The following SHOC1 variants were observed in gnomAD, a reference collection of about 807,000 sequenced individuals.
The protein encoded by SHOC1 is protein shortage in chiasmata 1 ortholog.
In SHOC1, 136 loss-of-function variants were observed where a neutral mutation model predicts 179.2. That is an observed-to-expected ratio of 0.76 (90% CI 0.66 to 0.87). SHOC1 has a LOEUF of 0.87. SHOC1 is among the 40% of genes least tolerant of loss of function. The pLI is 0.00. For missense variants in SHOC1, 1,538 were observed against 1,700.8 expected (o/e 0.90, Z 1.68); for synonymous variants, 489 against 586.6 (o/e 0.83, Z 2.41).
intron 12 of SHOC1, among the ~76,000 whole-genome samples, chr9:111,736,866 C>T (rs1833832808): frequency 6.6e-6 from 1 of 151,988 alleles, no homozygotes; most frequent in Admixed American, 6.6e-5. Flanking sequence ...AACAATTGAA[C>T]AAGCAAAAAA....
At chr9:111,726,522 C>G (rs1476739376) in intron 13 of SHOC1, among the ~76,000 whole-genome samples, 1 of 152,142 alleles carries the variant, frequency 6.6e-6, no homozygotes, top group Non-Finnish European at 1.5e-5. Context: ...CTCGGCCTTC[C>G]AAAGTTCTGG....
At chr9:111,693,233 G>A (rs1831523098) in intron 26 of SHOC1, among the ~76,000 whole-genome samples, 1 of 151,684 alleles carries the variant, frequency 6.6e-6, no homozygotes, top group East Asian at 1.9e-4. Context: ...TTGAACCCAG[G>A]AGCTGGAGAC....
intron 18 of SHOC1, 98 bp from the exon 19 acceptor site, chr9:111,708,022 G>A (rs1257888443): frequency 4.7e-6 from 3 of 635,560 alleles, no homozygotes; most frequent in Non-Finnish European, 7.7e-6. Flanking sequence ...TTAAAAATCT[G>A]TGAATAACAA....
chr9:111,718,552 G>A (rs1232259992), intron 15 of SHOC1, among the ~76,000 whole-genome samples: 1 of 152,172 alleles, frequency 6.6e-6, no homozygotes, highest in Non-Finnish European at 1.5e-5. Context: ...AAATGGTAGA[G>A]CTGTCATTTA....
intron 1 of SHOC1, 64 bp from the exon 2 acceptor site, chr9:111,791,518 A>G (rs1836443616): frequency 1.5e-6 from 1 of 666,948 alleles, no homozygotes; most frequent in Non-Finnish European, 2.3e-6. Flanking sequence ...GAAAATCTCA[A>G]TCACAAAACT....
At chr9:111,782,114 A>G (rs1836085862) in intron 3 of SHOC1, among the ~76,000 whole-genome samples, 1 of 152,230 alleles carries the variant, frequency 6.6e-6, no homozygotes, top group South Asian at 2.1e-4. Flanking sequence ...GGGGATGCTG[A>G]GGCAGGAGAA....
Position 111,686,874 on chromosome 9 carries a change from T to A in SHOC1, c.4427-4A>T, listed in dbSNP as rs767114156. On this transcript the variant is annotated splice_region_variant and splice_polypyrimidine_tract_variant and intron_variant, in intron 27 of 27. Coordinates refer to ENST00000682961, the MANE Select transcript of SHOC1 (RefSeq NM_001378211.1). ...GGTAGTTGTGAGCACATAAAACCTG[T>A]TAAAAGGAGAAAAAGGAAAACCATT... 1 of 1,595,192 alleles carries A rather than the reference T, an allele frequency of 6.3e-7. No individual in the cohort carries two copies. Among genetic ancestry groups the A allele is most frequent in the South Asian group, 1.1e-5 (1 of 89,824 alleles).
At chr9:111,777,641 A>G (rs750062045) in intron 4 of SHOC1, among the ~76,000 whole-genome samples, 9 of 152,148 alleles carry the variant, frequency 5.9e-5, no homozygotes, top group Non-Finnish European at 1.3e-4. Context: ...GTATATCTGT[A>G]TCATACCATT....
Position 111,707,890 on chromosome 9 carries a change from T to C in SHOC1, c.2523A>G (p.Arg841=), listed in dbSNP as rs1288187777. The change falls in exon 19 of 28, where the codon AGA becomes AGG. Residue 841 remains arginine, a synonymous_variant. Coordinates refer to ENST00000682961, the MANE Select transcript of SHOC1 (RefSeq NM_001378211.1). ...CACCTTCAGATTCCAGAAAATCTTT[T>C]CTTTCATTTGAATGAAGGACAGTCA... ...LTLTVLHSNE[R]KDFLESEGVL... The C allele has an allele frequency of 2.5e-6, 4 of 1,582,266 alleles. No individual in the cohort carries two copies. Among genetic ancestry groups the C allele is most frequent in the Non-Finnish European group, 3.4e-6 (4 of 1,166,338 alleles).
intron 22 of SHOC1, among the ~76,000 whole-genome samples, chr9:111,702,650 T>C (rs1832037983): frequency 6.6e-6 from 1 of 152,088 alleles, no homozygotes; most frequent in Non-Finnish European, 1.5e-5. Flanking sequence ...TGATGTGCAC[T>C]GCATGGTTAT....
chr9:111,705,294 A>G lies in SHOC1; in HGVS notation c.2808T>C (p.Ser936=). 4.4e-6 allele frequency: 7 copies of G among 1,592,388 alleles called. No homozygotes were observed. Among genetic ancestry groups the G allele is most frequent in the Non-Finnish European group, 6.0e-6 (7 of 1,169,828 alleles). The change falls in exon 21 of 28, where the codon TCT becomes TCC. Residue 936 remains serine (S), a synonymous_variant. Coordinates refer to ENST00000682961, the MANE Select transcript of SHOC1 (RefSeq NM_001378211.1). ...TGTCTGGAGTATTAAGAAGTCCTTC[A>G]GATGCAAAAAACACATATGGAATCT... ...EIQIPYVFFA[S]EGLLNTPDIL... is the part of the protein sequence containing the mutation.
At chr9:111,791,972 G>A (rs1836464031) in intron 1 of SHOC1, among the ~76,000 whole-genome samples, 1 of 152,200 alleles carries the variant, frequency 6.6e-6, no homozygotes, top group Non-Finnish European at 1.5e-5. Context: ...ACCAAGGGCA[G>A]AACTCTGTGC....
chr9:111,767,361 T>C (rs1229347480), intron 5 of SHOC1, among the ~76,000 whole-genome samples: 1 of 152,180 alleles, frequency 6.6e-6, no homozygotes, highest in Non-Finnish European at 1.5e-5. Flanking sequence ...TTTATTTGAT[T>C]TTTGTGCATG....
chr9:111,705,272 C>T lies in SHOC1; in HGVS notation c.2830G>A (p.Asp944Asn), dbSNP rs1426728868. ...FASEGLLNTPDILQLLESNYN... is the reference protein window; with the variant it reads ...FASEGLLNTPNILQLLESNYN... Reference sequence around the variant, plus strand: ...TTGGATTCTAGCAGCTGAAGTATGTCTGGAGTATTAAGAAGTCCTTCAGAT... The same window carrying T: ...TTGGATTCTAGCAGCTGAAGTATGTTTGGAGTATTAAGAAGTCCTTCAGAT... Residue 944 changes from aspartate to asparagine, a missense_variant, in exon 21 of 28, where the codon GAC (aspartate) becomes AAC (asparagine). Coordinates refer to ENST00000682961, the MANE Select transcript of SHOC1 (RefSeq NM_001378211.1). The T allele has an allele frequency of 6.4e-7, 1 of 1,570,000 alleles. No homozygotes were observed. The highest frequency in any genetic ancestry group is 1.4e-5 in the African/African-American group (1 of 72,146).
chr9:111,740,430 A>C (rs1475200802), intron 11 of SHOC1, among the ~76,000 whole-genome samples: 2 of 152,188 alleles, frequency 1.3e-5, no homozygotes, highest in Non-Finnish European at 2.9e-5. Flanking sequence ...TTTTTAAAAC[A>C]ATACCTTATC....
At chr9:111,774,170 T>C (rs1182367116) in intron 5 of SHOC1, among the ~76,000 whole-genome samples, 1 of 152,082 alleles carries the variant, frequency 6.6e-6, no homozygotes, top group Non-Finnish European at 1.5e-5. Flanking sequence ...GCCATCTCTT[T>C]AAATATACTT....
At chr9:111,715,145 T>C (rs1832727622) in intron 16 of SHOC1, among the ~76,000 whole-genome samples, 1 of 152,192 alleles carries the variant, frequency 6.6e-6, no homozygotes, top group African/African-American at 2.4e-5. Flanking sequence ...TTTTTAAACA[T>C]AGATTCATCC....
Position 111,791,450 on chromosome 9 carries a change from A to G in SHOC1, c.-32T>C. On this transcript the variant is annotated 5_prime_UTR_variant, in exon 2 of 28. Coordinates refer to ENST00000682961, the MANE Select transcript of SHOC1 (RefSeq NM_001378211.1). ...TTTCTTTCAAAGCAGTGTAAATTTC[A>G]ACATCTGGAAATACAAAAATTAAAA... is the stretch of plus-strand genomic sequence containing the variant. The G allele has an allele frequency of 7.3e-7, 1 of 1,378,278 alleles. No individual in the cohort carries two copies. Among genetic ancestry groups the G allele is most frequent in the South Asian group, 1.6e-5 (1 of 60,814 alleles). 85.4% of individuals were successfully genotyped at this position (1,378,278 alleles called of 1,614,324 possible). A position where few individuals can be genotyped will look rare whatever the true frequency, so the allele number is the denominator to read the frequency against.
chr9:111,731,893 A>C (rs1311381798), intron 12 of SHOC1, among the ~76,000 whole-genome samples: 1 of 152,202 alleles, frequency 6.6e-6, no homozygotes, highest in Admixed American at 6.5e-5. Context: ...GCTGCAAAAG[A>C]ATTGCTTGAT....
Sources: gnomAD v4.1 joint callset for allele counts (sites outside exome capture counted in the v4.1 genomes callset) on GRCh38, gnomAD v4.1.1 for gene constraint, MANE v1.5 for transcripts, NCBI Gene and HGNC (gene_info 2026-07-23, HGNC 2026-07-21) for gene names.